Variants in CENPE observed in about 807,000 individuals in gnomAD.
CENPE encodes centromere-associated protein E.
A neutral mutation model predicts 336.1 loss-of-function variants in CENPE; 145 were observed. The observed-to-expected ratio is 0.43, with a 90% CI of 0.38 to 0.50. The LOEUF is 0.50. Among genes scored for constraint, CENPE ranks in the 20% least tolerant of loss-of-function variants. The pLI, the probability that CENPE is intolerant of heterozygous loss-of-function variation, is 0.00. For missense variants in CENPE, 2,719 were observed against 3,023.3 expected (o/e 0.90, Z 2.36); for synonymous variants, 1,013 against 984.8 (o/e 1.03, Z -0.54).
rs146990718 is a variant in CENPE at position 103,145,083 on chromosome 4, T to C, written c.4824A>G (p.Gln1608=). 6.5e-7 allele frequency: 1 copy of C among 1,539,010 alleles called. No homozygotes were observed. Residue 1608 remains glutamine (Q), a synonymous_variant, in exon 32 of 49, where the codon CAA becomes CAG. Transcript: ENST00000265148. Reference sequence around the variant, plus strand: ...CAATTTCTTTAGTGTTTTCTTTCAGTTGGTCTCTCTCTATCTGAAGGGCCT... The same window carrying C: ...CAATTTCTTTAGTGTTTTCTTTCAGCTGGTCTCTCTCTATCTGAAGGGCCT... ...VQEALQIERD[Q]LKENTKEIVA... is the part of the protein sequence containing the mutation.
At chr4:103,112,040 T>C (rs938220247) in intron 46 of CENPE, among the ~76,000 whole-genome samples, 3 of 151,812 alleles carry the variant, frequency 2.0e-5, no homozygotes, top group African/African-American at 7.3e-5. Context: ...AAGACACTTA[T>C]TACATGAGCT....
At chr4:103,161,587 T>C in intron 18 of CENPE, 130 bp from the exon 19 acceptor site, 1 of 696,536 alleles carries the variant, frequency 1.4e-6, no homozygotes, top group Non-Finnish European at 2.1e-6. Context: ...TTACCAAATA[T>C]ATAAAAAGAA....
At chr4:103,168,712 A>T (rs1755136533) in intron 16 of CENPE, among the ~76,000 whole-genome samples, 1 of 152,130 alleles carries the variant, frequency 6.6e-6, no homozygotes, top group African/African-American at 2.4e-5. Flanking sequence ...ATGGCCCTGG[A>T]TCTTGATACT....
chr4:103,136,511 CTT>C (rs1328819297), intron 39 of CENPE, 152 bp from the exon 40 acceptor site: 1 of 512,416 alleles, frequency 2.0e-6, no homozygotes, highest in East Asian at 3.2e-5. Flanking sequence ...AAAGGAAACT[CTT>C]GTTGTCATTT....
In CENPE at chr4:103,163,568, G is replaced by T; in HGVS notation, c.1648-15C>A. On this transcript the variant is annotated splice_polypyrimidine_tract_variant and intron_variant, in intron 16 of 48. Transcript: ENST00000265148. ...ATTAGTTGCATCTGTAAGAGCATGTGAACAGGTAACAGAGCAAACCAATAG... is the reference window on the plus strand; with the variant it reads ...ATTAGTTGCATCTGTAAGAGCATGTTAACAGGTAACAGAGCAAACCAATAG... 1.7e-6 allele frequency: 2 copies of T among 1,191,990 alleles called. No individual in the cohort carries two copies. Among genetic ancestry groups the T allele is most frequent in the South Asian group, 1.5e-5 (1 of 64,782 alleles). 73.8% of individuals were successfully genotyped at this position (1,191,990 alleles called of 1,614,324 possible). A position where few individuals can be genotyped will look rare whatever the true frequency, so the allele number is the denominator to read the frequency against.
rs564704493 is a variant in CENPE, at chr4:103,126,576, G to C, written c.6925-3487C>G. Among the ~76,000 whole-genome samples the C allele has an allele frequency of 2.6e-5, 4 of 152,262 alleles. No individual in the cohort carries two copies. In the South Asian group the frequency reaches 8.3e-4, roughly 32 times the overall value. ...GAGGGCAAAAAACACAGTTTGAAGA[G>C]ACTGAATAAGCATCAGAACCACAGG... On this transcript the variant is annotated intron_variant, in intron 42 of 48. Coordinates refer to ENST00000265148, the MANE Select transcript of CENPE (RefSeq NM_001813.3).
intron 42 of CENPE, among the ~76,000 whole-genome samples, chr4:103,130,428 C>G (rs1347727957): frequency 1.3e-5 from 2 of 151,944 alleles, no homozygotes; most frequent in African/African-American, 4.8e-5. Context: ...TACTAGCACC[C>G]CCCAAAATAA....
chr4:103,172,285 T>A (rs1471456824), intron 16 of CENPE, among the ~76,000 whole-genome samples: 1 of 151,952 alleles, frequency 6.6e-6, no homozygotes, highest in Non-Finnish European at 1.5e-5. Flanking sequence ...CCCAGGAATA[T>A]AAGAATGGTT....
chr4:103,126,995 A>G (rs1162180124), intron 42 of CENPE, among the ~76,000 whole-genome samples: 2 of 151,930 alleles, frequency 1.3e-5, no homozygotes, highest in African/African-American at 2.4e-5. Context: ...AAAAAGAAAG[A>G]GCAGGAATAT....
At chr4:103,183,398 T>G in intron 9 of CENPE, 110 bp from the exon 10 acceptor site, 2 of 803,822 alleles carry the variant, frequency 2.5e-6, no homozygotes, top group Non-Finnish European at 4.0e-6. Context: ...CTAAAGTCTA[T>G]GCTCTGGTTT....
chr4:103,116,251 T>TACACACACACACAC lies in CENPE; in HGVS notation c.7442+312_7442+325dup, dbSNP rs58894383. On this transcript the variant is annotated intron_variant, in intron 45 of 48. Coordinates refer to ENST00000265148, the MANE Select transcript of CENPE (RefSeq NM_001813.3). ...CAGAAGCCTTAGTAAAACTGCTAAATACACACACACACACACACACACACA... is the reference window on the plus strand; with the variant it reads ...CAGAAGCCTTAGTAAAACTGCTAAATACACACACACACACACACACACACACACACACACACACA... 16,884 of 149,786 alleles carry TACACACACACACAC rather than the reference T, an allele frequency of 0.11. 1,014 individuals are homozygous for TACACACACACACAC. The highest frequency in any genetic ancestry group is 0.22 in the South Asian group (1,013 of 4,642). 9.3% of individuals were successfully genotyped at this position (149,786 alleles called of 1,614,324 possible).
chr4:103,109,912 G>C (rs2125829777), intron 47 of CENPE, among the ~76,000 whole-genome samples: 1 of 152,104 alleles, frequency 6.6e-6, no homozygotes, highest in Middle Eastern at 3.4e-3. Flanking sequence ...AGTTACCTCT[G>C]GCACCTTGTC....
chr4:103,109,224 C>A, intron 47 of CENPE, 135 bp from the exon 48 acceptor site: 1 of 742,518 alleles, frequency 1.3e-6, no homozygotes, highest in Non-Finnish European at 2.0e-6. Flanking sequence ...ATCACATTTA[C>A]ATTTTAATTT....
chr4:103,144,514 C>A lies in CENPE; in HGVS notation c.4962G>T (p.Glu1654Asp), dbSNP rs1448566498. ...CEIEHLKEQF[E>D]TQKLNLENIE... Reference sequence around the variant, plus strand: ...TGTTTTCCAGGTTTAACTTCTGGGTCTCAAATTGCTCCTTCAAGTGTTCTA... The same window carrying A: ...TGTTTTCCAGGTTTAACTTCTGGGTATCAAATTGCTCCTTCAAGTGTTCTA... Residue 1654 changes from glutamate to aspartate, a missense_variant, in exon 33 of 49, where the codon GAG becomes GAT. Physicochemically the swap from Glu to Asp is conservative, Grantham distance 45. Transcript: ENST00000265148. 2.5e-6 allele frequency: 4 copies of A among 1,613,992 alleles called. No homozygotes were observed. In the South Asian group the frequency reaches 4.4e-5, roughly 18 times the overall value.
At chr4:103,111,410 C>G (rs1357749366) in intron 46 of CENPE, among the ~76,000 whole-genome samples, 4 of 151,074 alleles carry the variant, frequency 2.6e-5, no homozygotes, top group Non-Finnish European at 5.9e-5. Flanking sequence ...GGAGGGCCAC[C>G]CCGTCATTCA....
In CENPE at chr4:103,145,349, T is replaced by C. The variant is rs549908099; in HGVS notation, c.4573-15A>G. 10 of 1,457,740 alleles carry C rather than the reference T, an allele frequency of 6.9e-6. No individual in the cohort carries two copies. The South Asian group carries it at 1.2e-4, about 18-fold the overall frequency. The allele number at this position is 1,457,740 out of a possible 1,614,324, so 90.3% of individuals were successfully genotyped here. A position where few individuals can be genotyped will look rare whatever the true frequency, so the allele number is the denominator to read the frequency against. On this transcript the variant is annotated splice_polypyrimidine_tract_variant and intron_variant, in intron 31 of 48. Coordinates refer to ENST00000265148, the MANE Select transcript of CENPE (RefSeq NM_001813.3). Reference sequence around the variant, plus strand: ...ATCTCTTGGATCTTAAACATAATTATAAAATAAGTTAATAGTCATAAAAAT... The same window carrying C: ...ATCTCTTGGATCTTAAACATAATTACAAAATAAGTTAATAGTCATAAAAAT...
chr4:103,194,125 A>C (rs1186090373), intron 8 of CENPE, 104 bp downstream of exon 8: 4 of 779,480 alleles, frequency 5.1e-6, no homozygotes, highest in Non-Finnish European at 8.4e-6. Context: ...ATTTCCTCCC[A>C]CATTTAGTTT....
chr4:103,181,509 T>A, intron 11 of CENPE, 53 bp from the exon 12 acceptor site: 1 of 1,455,688 alleles, frequency 6.9e-7, no homozygotes, highest in East Asian at 2.6e-5. Context: ...AAAATTCGAA[T>A]TTAATTAATA....
chr4:103,177,637 G>A (rs549870336), intron 13 of CENPE, among the ~76,000 whole-genome samples: 1 of 152,122 alleles, frequency 6.6e-6, no homozygotes, highest in South Asian at 2.1e-4. Flanking sequence ...GTTGCATAAG[G>A]TTGTATAGCC....
Sources: allele counts gnomAD v4.1 joint callset (sites outside exome capture counted in the v4.1 genomes callset), GRCh38; gene constraint gnomAD v4.1.1; transcripts MANE v1.5; gene names NCBI Gene and HGNC (gene_info 2026-07-23, HGNC 2026-07-21).